The following WWOX variants were observed in gnomAD, a reference collection of about 807,000 sequenced individuals.
The protein encoded by WWOX is WW domain-containing oxidoreductase.
In WWOX, 69 loss-of-function variants were observed where a neutral mutation model predicts 46.2. The ratio of observed to expected loss-of-function variants is 1.49; its 90% CI spans 1.23 to 1.82. WWOX has a LOEUF of 1.82. WWOX is among the 40% of genes most tolerant of loss of function. The probability of loss-of-function intolerance (pLI) is 0.00; values close to 1 mark genes in which losing one functional copy is unlikely to be tolerated. For missense variants in WWOX, 919 were observed against 542.6 expected, an observed-to-expected ratio of 1.69 and a Z score of -6.89; for synonymous variants, 359 against 202.6, an observed-to-expected ratio of 1.77 and a Z score of -6.56.
chr16:78,367,588 G>T (rs78671656), intron 5 of WWOX, among the ~76,000 whole-genome samples: 7,005 of 152,138 alleles, frequency 0.046, 243 homozygotes, highest in South Asian at 0.17. Context: ...CAACATTTTT[G>T]TAAGTAAAGT....
At chr16:78,683,350 C>T (rs2047775522) in intron 8 of WWOX, among the ~76,000 whole-genome samples, 1 of 151,424 alleles carries the variant, frequency 6.6e-6, no homozygotes, top group South Asian at 2.1e-4. Context: ...CCAGCCTGGG[C>T]AACAAGGCGA....
chr16:79,052,971 T>C lies in WWOX; in HGVS notation c.1057-158637T>C, dbSNP rs1166925185. Among the ~76,000 whole-genome samples, 4 of 35,148 alleles carry C rather than the reference T, an allele frequency of 1.1e-4. No homozygotes were observed. The Admixed American group carries it at 1.8e-3, about 16-fold the overall frequency. 23.1% of individuals were successfully genotyped at this position (35,148 alleles called of 152,430 possible). ...GGGAGTATGTTTGTGTATTTGGGGG[T>C]TGGGATGGGGGGGTGGGTGGAGGGT... is the stretch of plus-strand genomic sequence containing the variant. On this transcript the variant is annotated intron_variant, in intron 8 of 8. Coordinates refer to ENST00000566780, the MANE Select transcript of WWOX (RefSeq NM_016373.4).
At chr16:78,815,801 CCCT>C (rs938113346) in intron 8 of WWOX, among the ~76,000 whole-genome samples, 81 of 152,330 alleles carry the variant, frequency 5.3e-4, no homozygotes, top group African/African-American at 1.9e-3. Context: ...GTTTCAGTGA[CCCT>C]CCTCTTGCTG....
At chr16:78,998,373 C>G (rs547517660) in intron 8 of WWOX, among the ~76,000 whole-genome samples, 1 of 152,130 alleles carries the variant, frequency 6.6e-6, no homozygotes, top group African/African-American at 2.4e-5. Flanking sequence ...GCTTTGTACT[C>G]GGGCCCAGAG....
chr16:78,331,983 A>G (rs1242134348), intron 5 of WWOX, among the ~76,000 whole-genome samples: 4 of 152,132 alleles, frequency 2.6e-5, no homozygotes, highest in Non-Finnish European at 2.9e-5. Flanking sequence ...TGTGTCCTCA[A>G]GCAGTACATC....
At chr16:78,728,889 A>G (rs979435190) in intron 8 of WWOX, among the ~76,000 whole-genome samples, 1 of 152,172 alleles carries the variant, frequency 6.6e-6, no homozygotes, top group East Asian at 1.9e-4. Context: ...AAGAATAACA[A>G]ACTATGCATA....
At chr16:78,758,462 C>T (rs2049711945) in intron 8 of WWOX, among the ~76,000 whole-genome samples, 1 of 152,222 alleles carries the variant, frequency 6.6e-6, no homozygotes, top group Admixed American at 6.5e-5. Flanking sequence ...ATTGGTTAGG[C>T]ATGTTTATTA....
intron 8 of WWOX, among the ~76,000 whole-genome samples, chr16:78,516,212 C>G (rs112612021): frequency 2.4e-4 from 37 of 152,278 alleles, no homozygotes; most frequent in African/African-American, 8.9e-4. Flanking sequence ...TCACACTCTT[C>G]TCTGAGCTCT....
At chr16:78,651,102 ACCCAAGG>A (rs1370391912) in intron 8 of WWOX, among the ~76,000 whole-genome samples, 1 of 152,190 alleles carries the variant, frequency 6.6e-6, no homozygotes, top group East Asian at 1.9e-4. Context: ...TAGACCCCTG[ACCCAAGG>A]CCCAGGTACC....
chr16:78,497,756 G>GTACATCCA (rs2084951421), intron 8 of WWOX, among the ~76,000 whole-genome samples: 1 of 152,062 alleles, frequency 6.6e-6, no homozygotes, highest in African/African-American at 2.4e-5. Flanking sequence ...GACAGTGGTT[G>GTACATCCA]GGTCTGGAGA....
chr16:78,962,324 TTTAA>T (rs1190440866), intron 8 of WWOX, among the ~76,000 whole-genome samples: 3 of 93,924 alleles, frequency 3.2e-5, no homozygotes, highest in East Asian at 8.0e-4. Context: ...TTTTTTTTTT[TTTAA>T]AAAAAAAAAA....
chr16:78,753,106 C>CTA (rs2049527559), intron 8 of WWOX, among the ~76,000 whole-genome samples: 1 of 152,098 alleles, frequency 6.6e-6, no homozygotes, highest in Non-Finnish European at 1.5e-5. Flanking sequence ...ACCATCCTGG[C>CTA]TAACATGGTG....
rs577999878 is a variant in WWOX, at chr16:79,158,261, T to C, written c.1057-53347T>C. ...TGATCAGAAACATTTTCAAAATACC[T>C]GGAACAAACAAAGAACCACATTTCA... On this transcript the variant is annotated intron_variant, in intron 8 of 8. Transcript: ENST00000566780. Among the ~76,000 whole-genome samples the C allele has an allele frequency of 1.1e-4, 16 of 152,252 alleles. No homozygotes were observed. In the East Asian group the frequency reaches 3.1e-3, roughly 29 times the overall value.
intron 8 of WWOX, among the ~76,000 whole-genome samples, chr16:78,820,646 C>T (rs553651220): frequency 3.2e-4 from 48 of 152,244 alleles, no homozygotes; most frequent in African/African-American, 1.1e-3. Flanking sequence ...CAGGGAAGTG[C>T]CTTGCATTTT....
intron 5 of WWOX, among the ~76,000 whole-genome samples, chr16:78,372,767 T>G (rs2081723098): frequency 6.6e-6 from 1 of 152,194 alleles, no homozygotes; most frequent in Non-Finnish European, 1.5e-5. Context: ...TGTATTTGTT[T>G]CCCATTAATT....
intron 8 of WWOX, among the ~76,000 whole-genome samples, chr16:78,715,100 G>C (rs1006160283): frequency 6.6e-6 from 1 of 152,066 alleles, no homozygotes; most frequent in African/African-American, 2.4e-5. Flanking sequence ...GGGCCACATA[G>C]TGAGACCCCA....
intron 8 of WWOX, among the ~76,000 whole-genome samples, chr16:78,805,731 C>G (rs1428790560): frequency 5.3e-5 from 8 of 152,120 alleles, no homozygotes; most frequent in African/African-American, 1.9e-4. Context: ...CACTCTTTGC[C>G]AACTTCCTTT....
chr16:78,872,551 A>G (rs1410407251), intron 8 of WWOX, among the ~76,000 whole-genome samples: 1 of 152,132 alleles, frequency 6.6e-6, no homozygotes, highest in Non-Finnish European at 1.5e-5. Flanking sequence ...CTAAGCCTCA[A>G]TTTCTTTGTT....
intron 5 of WWOX, among the ~76,000 whole-genome samples, chr16:78,191,446 G>T (rs1221453371): frequency 6.6e-6 from 1 of 152,172 alleles, no homozygotes; most frequent in East Asian, 1.9e-4. Context: ...ATTTGTTTGG[G>T]CTTTGAAAAA....
Sources: allele counts gnomAD v4.1 joint callset (sites outside exome capture counted in the v4.1 genomes callset), GRCh38; gene constraint gnomAD v4.1.1; transcripts MANE v1.5; gene names NCBI Gene and HGNC (gene_info 2026-07-23, HGNC 2026-07-21).